The following ADGRL2 variants were observed in gnomAD, a reference collection of about 807,000 sequenced individuals.
ADGRL2 encodes calcium-independent alpha-latrotoxin receptor 2.
A neutral mutation model predicts 157.4 loss-of-function variants in ADGRL2; 44 were observed. The ratio of observed to expected loss-of-function variants is 0.28; its 90% confidence interval spans 0.22 to 0.36. The LOEUF (loss-of-function observed/expected upper bound fraction) is 0.36. ADGRL2 is among the 10% of genes least tolerant of loss of function. The pLI, the probability that ADGRL2 is intolerant of heterozygous loss-of-function variation, is 1.00. For missense variants in ADGRL2, 1,510 were observed against 1,768.9 expected, an observed-to-expected ratio of 0.85 and a Z score of 2.63; for synonymous variants, 585 against 624.7, an observed-to-expected ratio of 0.94 and a Z score of 0.95.
chr1:81,851,953 A>G (rs763703335), intron 2 of ADGRL2, among the ~76,000 whole-genome samples: 6 of 151,958 alleles, frequency 3.9e-5, no homozygotes, highest in Non-Finnish European at 8.8e-5. Flanking sequence ...TGAAGAGGAA[A>G]GCATCTGACT....
chr1:81,661,614 T>G (rs777664891), intron 3 of ADGRL2, among the ~76,000 whole-genome samples: 21 of 152,202 alleles, frequency 1.4e-4, no homozygotes, highest in Non-Finnish European at 4.4e-5. Flanking sequence ...AACAATTAAC[T>G]TCACTCATCT....
In ADGRL2 at chr1:81,991,037, G is replaced by A. The variant is rs775282319; in HGVS notation, c.4302G>A (p.Gln1434=). Residue 1434 remains glutamine, a synonymous_variant, in exon 24 of 24, where the codon CAG becomes CAA. Coordinates refer to ENST00000686636, the MANE Select transcript of ADGRL2 (RefSeq NM_001366006.2). ...GCCATCAGCTTCAGATGTGCTACCA[G>A]ATCAGCAGGGGCAATAGTGATGGTT... ...GAGHQLQMCY[Q]ISRGNSDGYI... 1 of 1,613,964 alleles carries A rather than the reference G, an allele frequency of 6.2e-7. No homozygotes were observed. Among genetic ancestry groups the A allele is most frequent in the Non-Finnish European group, 8.5e-7 (1 of 1,179,984 alleles).
intron 2 of ADGRL2, among the ~76,000 whole-genome samples, chr1:81,461,402 T>C (rs190374583): frequency 6.6e-6 from 1 of 152,284 alleles, no homozygotes; most frequent in Non-Finnish European, 1.5e-5. Context: ...CCTTTTTAGC[T>C]TAATTTTCCT....
intron 3 of ADGRL2, among the ~76,000 whole-genome samples, chr1:81,583,904 G>A (rs1356359754): frequency 6.6e-6 from 1 of 152,098 alleles, no homozygotes; most frequent in African/African-American, 2.4e-5. Context: ...TTGAAAGAGG[G>A]CAAAATCTAT....
At chr1:81,829,404 G>A (rs35656143) in intron 1 of ADGRL2, among the ~76,000 whole-genome samples, 21,372 of 152,126 alleles carry the variant, frequency 0.14, 1,666 homozygotes, top group East Asian at 0.2. Flanking sequence ...TTTACTTGTA[G>A]ACACAGATAT....
chr1:81,751,193 T>C (rs749592230), intron 1 of ADGRL2, among the ~76,000 whole-genome samples: 13 of 152,138 alleles, frequency 8.5e-5, no homozygotes, highest in Admixed American at 4.6e-4. Context: ...TAACAGCAGA[T>C]TATAATCTAT....
At position 81,353,238 on chromosome 1, in the gene ADGRL2, G is replaced by C. The variant is rs76522218; in HGVS notation, c.-302+46729G>C. ...AAATGAGACTGCATTGCCATGAAAG[G>C]TATGAGAATCGGATCCTTGCTTGAC... On this transcript the variant is annotated intron_variant, in intron 1 of 24. Coordinates refer to the ADGRL2 transcript ENST00000370721. Among the ~76,000 whole-genome samples, 49 of 152,268 alleles carry C rather than the reference G, an allele frequency of 3.2e-4. No homozygotes were observed. The East Asian group carries it at 4.1e-3, about 13-fold the overall frequency.
At chr1:81,883,517 T>A (rs998428863) in intron 2 of ADGRL2, among the ~76,000 whole-genome samples, 1 of 152,142 alleles carries the variant, frequency 6.6e-6, no homozygotes, top group Admixed American at 6.5e-5. Context: ...AGCGAATCCA[T>A]TTATTTAAAA....
intron 1 of ADGRL2, among the ~76,000 whole-genome samples, chr1:81,442,116 T>C (rs573544530): frequency 1.3e-4 from 20 of 152,222 alleles, no homozygotes; most frequent in African/African-American, 1.7e-4. Flanking sequence ...TTATTCAATA[T>C]GGGATTCATT....
chr1:81,616,679 C>CTTTTTCTT, intron 3 of ADGRL2, among the ~76,000 whole-genome samples: 1 of 105,966 alleles, frequency 9.4e-6, no homozygotes, highest in African/African-American at 3.7e-5. Flanking sequence ...CTTTTCTTTT[C>CTTTTTCTT]TTTTTTTTTT....
intron 1 of ADGRL2, among the ~76,000 whole-genome samples, chr1:81,325,093 A>G (rs1193565926): frequency 4.6e-5 from 7 of 152,100 alleles, no homozygotes; most frequent in Non-Finnish European, 1.5e-5. Flanking sequence ...CTATTTTTAT[A>G]TTATTTGAGT....
At chr1:81,883,698 T>G (rs922578339) in intron 2 of ADGRL2, among the ~76,000 whole-genome samples, 1 of 152,150 alleles carries the variant, frequency 6.6e-6, no homozygotes, top group African/African-American at 2.4e-5. Flanking sequence ...CTATATTGTT[T>G]TTCTCTTTCC....
At chr1:81,413,780 T>C (rs530220438) in intron 1 of ADGRL2, among the ~76,000 whole-genome samples, 22 of 152,346 alleles carry the variant, frequency 1.4e-4, no homozygotes, top group African/African-American at 5.1e-4. Context: ...GACTATGTAA[T>C]TGTTTTTCAC....
intron 1 of ADGRL2, among the ~76,000 whole-genome samples, chr1:81,319,107 A>G (rs1660318042): frequency 6.6e-6 from 1 of 150,412 alleles, no homozygotes; most frequent in Non-Finnish European, 1.5e-5. Context: ...ACCCCGGCTA[A>G]TTTTGTATTT....
chr1:81,406,080 A>T (rs1266262791), intron 1 of ADGRL2, among the ~76,000 whole-genome samples: 1 of 152,200 alleles, frequency 6.6e-6, no homozygotes, highest in African/African-American at 2.4e-5. Context: ...AGTATTTTGA[A>T]TATTGCTCTC....
Position 81,612,098 on chromosome 1 carries a change from T to C in ADGRL2, c.-143+31118T>C, listed in dbSNP as rs145043592. Among the ~76,000 whole-genome samples, 34 of 152,274 alleles carry C rather than the reference T, an allele frequency of 2.2e-4. No homozygotes were observed. The East Asian group carries it at 6.2e-3, about 28-fold the overall frequency. On this transcript the variant is annotated intron_variant, in intron 3 of 24. Coordinates refer to the ADGRL2 transcript ENST00000370721. The stretch of plus-strand genomic sequence containing the variant: ...ATTACCCAGTCTCAAGTAGTATCTT[T>C]ATAGCAGTATGAAAATGGAGGAATA...
intron 2 of ADGRL2, among the ~76,000 whole-genome samples, chr1:81,837,915 A>C (rs1179362322): frequency 2.0e-5 from 3 of 151,978 alleles, no homozygotes; most frequent in Non-Finnish European, 4.4e-5. Flanking sequence ...ATTGGCACGA[A>C]AATGTATTAA....
At chr1:81,797,555 T>C (rs991446600), upstream of ADGRL2, among the ~76,000 whole-genome samples, 1 of 152,180 alleles carries the variant, frequency 6.6e-6, no homozygotes, top group Admixed American at 6.5e-5. Context: ...TGTGTTCTAT[T>C]GGCTTACACT....
At chr1:81,502,497 T>TC (rs1001940027) in intron 2 of ADGRL2, 2 of 1,613,750 alleles carry the variant, frequency 1.2e-6, no homozygotes, top group African/African-American at 2.7e-5. Flanking sequence ...ATCAACCGAA[T>TC]CCCCATCATG....
Sources: gnomAD v4.1 joint callset for allele counts (sites outside exome capture counted in the v4.1 genomes callset) on GRCh38, gnomAD v4.1.1 for gene constraint, MANE v1.5 for transcripts, NCBI Gene and HGNC (gene_info 2026-07-23, HGNC 2026-07-21) for gene names.